UBTF: variants seen among roughly 807,000 people sequenced by gnomAD.
UBTF encodes upstream binding transcription factor.
A neutral mutation model predicts 112.3 loss-of-function variants in UBTF; 8 were observed. The ratio of observed to expected loss-of-function variants is 0.07; its 90% CI spans 0.04 to 0.13. The LOEUF (loss-of-function observed/expected upper bound fraction) is 0.13. Among genes scored for constraint, UBTF ranks in the 10% least tolerant of loss-of-function variants. The probability of loss-of-function intolerance (pLI) is 1.00; values close to 1 mark genes in which losing one functional copy is unlikely to be tolerated. For synonymous variants in UBTF, 417 were observed against 373.1 expected (o/e 1.12, Z -1.36); for missense variants, 457 against 982.1 (o/e 0.47, Z 7.15).
Position 44,218,181 on chromosome 17 carries a change from TG to T in UBTF, c.48del (p.Gly18AlafsTer11). 6.2e-7 allele frequency: 1 copy of T among 1,612,690 alleles called. No homozygotes were observed. On this transcript the variant is annotated frameshift_variant, in exon 2 of 21. Coordinates refer to ENST00000436088, the MANE Select transcript of UBTF (RefSeq NM_014233.4). LOFTEE classifies it high-confidence loss of function. The part of the protein sequence containing the change: ...DCPTDLEMAA[P>X]KGQDRWSQED... Reference sequence around the variant, plus strand: ...GGGTGGATGCCCCTACCTTGGCCTTTGGGGGCGGCCATTTCCAGGTCTGTGG... The same window carrying T: ...GGGTGGATGCCCCTACCTTGGCCTTTGGGGCGGCCATTTCCAGGTCTGTGG...
chr17:44,216,255 C>T (rs1174072111), intron 3 of UBTF: 8 of 604,180 alleles, frequency 1.3e-5, no homozygotes, highest in Admixed American at 3.0e-5. Flanking sequence ...CATGCTAACA[C>T]CTCCGTCAAT....
chr17:44,206,915 C>T lies in UBTF; in HGVS notation c.*327G>A, dbSNP rs1048758664. On this transcript the variant is annotated 3_prime_UTR_variant, in exon 21 of 21. Transcript: ENST00000436088. ...TCATCAAACTCTTTGGGACCCCCCA[C>T]CCCCACTCTCCGGTCCATTGTCCAT... The T allele has an allele frequency of 2.3e-6, 1 of 436,674 alleles. No individual in the cohort carries two copies. Among genetic ancestry groups the T allele is most frequent in the Non-Finnish European group, 4.0e-6 (1 of 247,250 alleles). The allele number at this position is 436,674 out of a possible 1,614,324, so 27.0% of individuals were successfully genotyped here. A position where few individuals can be genotyped will look rare whatever the true frequency, so the allele number is the denominator to read the frequency against.
intron 1 of UBTF, chr17:44,219,058 C>T (rs1390477960): frequency 6.7e-6 from 1 of 149,834 alleles, no homozygotes; most frequent in Admixed American, 6.6e-5. Flanking sequence ...GCCGCCTCCT[C>T]CCCCGAGCCT....
intron 5 of UBTF, chr17:44,213,491 C>T (rs546730072): frequency 6.0e-4 from 323 of 540,598 alleles, no homozygotes; most frequent in Non-Finnish European, 9.1e-4. Flanking sequence ...CTGCAGGGGT[C>T]GCCCAGACAC....
chr17:44,220,316 C>G (rs1339201677), upstream of UBTF, among the ~76,000 whole-genome samples: 1 of 151,886 alleles, frequency 6.6e-6, no homozygotes, highest in South Asian at 2.1e-4. Flanking sequence ...GAGCTCTCCC[C>G]CAAGTTCTCC....
At chr17:44,212,509 G>C (rs2056752688) in intron 7 of UBTF, 55 bp from the exon 8 acceptor site, 2 of 768,278 alleles carry the variant, frequency 2.6e-6, no homozygotes, top group Non-Finnish European at 2.1e-6. Context: ...GGGGGAGGGG[G>C]GAAGGGGGAA....
Position 44,205,367 on chromosome 17 carries a change from A to G in UBTF, c.*1875T>C, listed in dbSNP as rs2056190253. ...TAAAACAGGAAAGAAAAAGTGCCCC[A>G]TTCAAAGTTGTTTTTAAATGAAAAT... On this transcript the variant is annotated 3_prime_UTR_variant, in exon 21 of 21. Coordinates refer to ENST00000436088, the MANE Select transcript of UBTF (RefSeq NM_014233.4). 1 of 152,644 alleles carries G rather than the reference A, an allele frequency of 6.6e-6. No individual in the cohort carries two copies. The highest frequency in any genetic ancestry group is 2.4e-5 in the African/African-American group (1 of 41,458). 9.5% of individuals were successfully genotyped at this position (152,644 alleles called of 1,614,324 possible). A position where few individuals can be genotyped will look rare whatever the true frequency, so the allele number is the denominator to read the frequency against.
In UBTF at chr17:44,211,456, G is replaced by T; in HGVS notation, c.1048-125C>A. 6.4e-7 allele frequency: 1 copy of T among 1,561,900 alleles called. No individual in the cohort carries two copies. Among genetic ancestry groups the T allele is most frequent in the African/African-American group, 1.4e-5 (1 of 74,066 alleles). On this transcript the variant is annotated intron_variant, in intron 10 of 20. Transcript: ENST00000436088. This position sits in a 1 kb window ranked among gnomAD's most constrained non-coding sequence, Gnocchi z 4.9. ...GGGTGTGGGCTGGACTCCCTGCCTG[G>T]ACGGGCTCAGTTGCTAAGCCCAGCC...
Position 44,211,228 on chromosome 17 carries a change from C to G in UBTF, c.1089+62G>C. Reference sequence around the variant, plus strand: ...TGGTGCCCTATCTCCAGGGGCTCACCAGGGCTCTGCCTGCCAAGTCCCAGT... The same window carrying G: ...TGGTGCCCTATCTCCAGGGGCTCACGAGGGCTCTGCCTGCCAAGTCCCAGT... On this transcript the variant is annotated intron_variant, in intron 11 of 20. Coordinates refer to ENST00000436088, the MANE Select transcript of UBTF (RefSeq NM_014233.4). The surrounding 1 kb of genome is among the most constrained non-coding windows in gnomAD (Gnocchi z 4.9). 1 of 1,613,966 alleles carries G rather than the reference C, an allele frequency of 6.2e-7. No individual in the cohort carries two copies. The highest frequency in any genetic ancestry group is 1.1e-5 in the South Asian group (1 of 91,082).
In UBTF at chr17:44,211,763, G is replaced by A; in HGVS notation, c.906-16C>T. 6.2e-7 allele frequency: 1 copy of A among 1,603,242 alleles called. No individual in the cohort carries two copies. The highest frequency in any genetic ancestry group is 1.1e-5 in the South Asian group (1 of 90,834). On this transcript the variant is annotated splice_polypyrimidine_tract_variant and intron_variant, in intron 9 of 20. Coordinates refer to ENST00000436088, the MANE Select transcript of UBTF (RefSeq NM_014233.4). The surrounding 1 kb of genome is among the most constrained non-coding windows in gnomAD (Gnocchi z 4.9). ...GTAGCTGTTCCTATCAGAGCCGCGG[G>A]GAGAGAGGTGCAGCCCGTAAGCGAG...
intron 16 of UBTF, 44 bp downstream of exon 16, chr17:44,209,601 G>C: frequency 6.2e-7 from 1 of 1,613,920 alleles, no homozygotes; most frequent in Non-Finnish European, 8.5e-7. Context: ...ATCCAGCCCT[G>C]ACCCTCCCCG....
In UBTF at chr17:44,212,336, A is replaced by C; in HGVS notation, c.771+8T>G. ...GCCGGACGGGGAGGAGCGCAGCGGA[A>C]GCCTAACCTCGTACTCCTTCCGCTG... is the stretch of plus-strand genomic sequence containing the variant. On this transcript the variant is annotated splice_region_variant and intron_variant, in intron 8 of 20. Transcript: ENST00000436088. 1 of 1,610,940 alleles carries C rather than the reference A, an allele frequency of 6.2e-7. No homozygotes were observed. The highest frequency in any genetic ancestry group is 1.1e-5 in the South Asian group (1 of 90,996).
In UBTF at chr17:44,211,846, G is replaced by A. The variant is rs79497010; in HGVS notation, c.905+27C>T. 0.028 allele frequency: 44,897 copies of A among 1,607,510 alleles called. 835 individuals are homozygous for A. Among genetic ancestry groups the A allele is most frequent in the East Asian group, 0.072 (3,219 of 44,732 alleles). On this transcript the variant is annotated intron_variant, in intron 9 of 20. Coordinates refer to ENST00000436088, the MANE Select transcript of UBTF (RefSeq NM_014233.4). This position sits in a 1 kb window ranked among gnomAD's most constrained non-coding sequence, Gnocchi z 4.9. ...AGCCCAACTTCCCAGCTGCCCACTC[G>A]CCCACCCATCCCAGGGCAGCGCTCA...
At chr17:44,212,796 C>T in intron 7 of UBTF, 23 bp downstream of exon 7, 1 of 1,613,258 alleles carries the variant, frequency 6.2e-7, no homozygotes, top group South Asian at 1.1e-5. Context: ...TCCTCCACCC[C>T]CAACCCTTGG....
chr17:44,218,111 C>G, intron 2 of UBTF, 61 bp downstream of exon 2: 1 of 1,541,428 alleles, frequency 6.5e-7, no homozygotes, highest in Non-Finnish European at 9.0e-7. Context: ...AGGGAGTGAG[C>G]CCCGCAGCCA....
chr17:44,216,843 T>C (rs1035615861), intron 2 of UBTF, 139 bp from the exon 3 acceptor site: 10 of 810,222 alleles, frequency 1.2e-5, no homozygotes, highest in Non-Finnish European at 2.0e-5. Flanking sequence ...ACAGACAAGA[T>C]ATGGCTCAGC....
At chr17:44,219,703 AGCCC>A (rs2047071972), upstream of UBTF, 1 of 149,724 alleles carries the variant, frequency 6.7e-6, no homozygotes, top group Non-Finnish European at 1.5e-5. Flanking sequence ...GCCTGCAGGC[AGCCC>A]GCCCGCCGCC....
intron 1 of UBTF, 67 bp from the exon 2 acceptor site, chr17:44,218,363 G>T: frequency 1.1e-6 from 1 of 895,726 alleles, no homozygotes; most frequent in Non-Finnish European, 1.8e-6. Flanking sequence ...CTTTCTAACC[G>T]CCCAGAGTAG....
In UBTF at chr17:44,215,898, T is replaced by G; in HGVS notation, c.318+8A>C. On this transcript the variant is annotated splice_region_variant and intron_variant, in intron 4 of 20. Transcript: ENST00000436088. ...ATACCCCTCATGCTCCTCCTCCTAG[T>G]AACTCACCTTGAGTTTTTTGCCTTT... is the stretch of plus-strand genomic sequence containing the variant. 1.9e-6 allele frequency: 3 copies of G among 1,614,074 alleles called. No individual in the cohort carries two copies. The highest frequency in any genetic ancestry group is 2.5e-6 in the Non-Finnish European group (3 of 1,179,900).
Sources: gnomAD v4.1 joint callset for allele counts (sites outside exome capture counted in the v4.1 genomes callset) on GRCh38, gnomAD v4.1.1 for gene constraint, Gnocchi (gnomAD v3.1) non-coding constraint, MANE v1.5 for transcripts, NCBI Gene and HGNC (gene_info 2026-07-23, HGNC 2026-07-21) for gene names.